The following WDR70 variants were observed in gnomAD, a reference collection of about 807,000 sequenced individuals.
The protein encoded by WDR70 is WD repeat-containing protein 70.
WDR70 carries 53 observed loss-of-function variants against 88.6 expected under a neutral mutation model. The observed-to-expected ratio is 0.60, with a 90% CI of 0.48 to 0.75. WDR70 has a LOEUF of 0.75. Ranked by LOEUF, WDR70 falls within the 30% of genes least tolerant of loss-of-function variation. The probability of loss-of-function intolerance (pLI) is 0.00; values close to 1 mark genes in which losing one functional copy is unlikely to be tolerated. For synonymous variants in WDR70, 280 were observed against 270.0 expected, an observed-to-expected ratio of 1.04 and a Z score of -0.36; for missense variants, 610 against 823.2, an observed-to-expected ratio of 0.74 and a Z score of 3.17.
intron 13 of WDR70, among the ~76,000 whole-genome samples, chr5:37,719,475 C>T (rs1274290252): frequency 1.3e-5 from 2 of 151,788 alleles, no homozygotes; most frequent in African/African-American, 4.8e-5. Flanking sequence ...GCCTGGGTAG[C>T]AGGCACCATA....
chr5:37,696,702 G>T (rs1223343081), intron 10 of WDR70, among the ~76,000 whole-genome samples: 2 of 152,120 alleles, frequency 1.3e-5, no homozygotes, highest in African/African-American at 4.8e-5. Flanking sequence ...TATTATAGAG[G>T]TTACTCTATT....
Position 37,390,440 on chromosome 5 carries a change from C to T in WDR70, c.176-1560C>T, listed in dbSNP as rs147426998. Among the ~76,000 whole-genome samples, 81 of 150,872 alleles carry T rather than the reference C, an allele frequency of 5.4e-4. 1 individual carries two copies. The highest frequency in any genetic ancestry group is 4.2e-3 in the Admixed American group (63 of 15,100). ...CTGCAAGCTCTGCCTCCTGGGTTCA[C>T]GCCATTCTCTTGCCTCAGCCTCCTG... On this transcript the variant is annotated intron_variant, in intron 3 of 17. Coordinates refer to ENST00000265107, the MANE Select transcript of WDR70 (RefSeq NM_018034.4).
intron 5 of WDR70, among the ~76,000 whole-genome samples, chr5:37,421,077 T>C (rs754971837): frequency 5.9e-5 from 9 of 152,210 alleles, no homozygotes; most frequent in Non-Finnish European, 1.3e-4. Flanking sequence ...GAGGTACAGT[T>C]ATCCATCCCC....
chr5:37,506,686 C>T lies in WDR70; in HGVS notation c.841-9828C>T, dbSNP rs1353158154. The T allele has an allele frequency of 8.8e-6, 7 of 794,584 alleles. No homozygotes were observed. In the African/African-American group the frequency reaches 1.2e-4, roughly 13 times the overall value. The allele number at this position is 794,584 out of a possible 1,614,324, so 49.2% of individuals were successfully genotyped here. On this transcript the variant is annotated intron_variant, in intron 8 of 17. Coordinates refer to ENST00000265107, the MANE Select transcript of WDR70 (RefSeq NM_018034.4). Reference sequence around the variant, plus strand: ...TCACACACAAATAAAACATCATCATCCCTGATCAAAGCAATATCATCAGTC... The same window carrying T: ...TCACACACAAATAAAACATCATCATTCCTGATCAAAGCAATATCATCAGTC...
At chr5:37,573,511 C>T (rs1742969913) in intron 9 of WDR70, among the ~76,000 whole-genome samples, 1 of 150,842 alleles carries the variant, frequency 6.6e-6, no homozygotes, top group African/African-American at 2.4e-5. Context: ...GGTATATCTC[C>T]TAATGCTATC....
chr5:37,669,412 AAC>A (rs1010166049), intron 10 of WDR70, among the ~76,000 whole-genome samples: 6 of 151,648 alleles, frequency 4.0e-5, no homozygotes, highest in African/African-American at 9.7e-5. Context: ...AAAAAAAAAA[AAC>A]ATTTTGTTTT....
intron 4 of WDR70, among the ~76,000 whole-genome samples, chr5:37,394,357 A>G (rs969220835): frequency 6.6e-6 from 1 of 152,086 alleles, no homozygotes; most frequent in African/African-American, 2.4e-5. Flanking sequence ...ATAAGGGGGA[A>G]AATTTTGGAG....
At chr5:37,744,725 A>G (rs1748589701) in intron 17 of WDR70, among the ~76,000 whole-genome samples, 1 of 151,962 alleles carries the variant, frequency 6.6e-6, no homozygotes, top group Non-Finnish European at 1.5e-5. Flanking sequence ...CATGCAGACA[A>G]GAATAGAGAA....
intron 8 of WDR70, among the ~76,000 whole-genome samples, chr5:37,495,902 A>G (rs948642067): frequency 6.6e-6 from 1 of 152,224 alleles, no homozygotes; most frequent in Non-Finnish European, 1.5e-5. Flanking sequence ...CTGTCTTTAC[A>G]AATAAGAAAC....
At chr5:37,699,955 A>C (rs1184448685) in intron 11 of WDR70, among the ~76,000 whole-genome samples, 2 of 144,082 alleles carry the variant, frequency 1.4e-5, no homozygotes, top group Non-Finnish European at 3.1e-5. Flanking sequence ...TCAAAAAAAA[A>C]CAAAAAACAA....
chr5:37,562,132 TG>T (rs1262492379), intron 9 of WDR70, among the ~76,000 whole-genome samples: 3 of 152,192 alleles, frequency 2.0e-5, no homozygotes, highest in African/African-American at 7.2e-5. Flanking sequence ...CCAAGGCAGG[TG>T]GATCACTTGA....
chr5:37,559,016 C>A (rs950763673), intron 9 of WDR70, among the ~76,000 whole-genome samples: 1 of 151,862 alleles, frequency 6.6e-6, no homozygotes. Flanking sequence ...TCACTGTAAC[C>A]TCTGCCTCTC....
chr5:37,395,708 T>C (rs886895027), intron 4 of WDR70, among the ~76,000 whole-genome samples: 2 of 152,240 alleles, frequency 1.3e-5, no homozygotes, highest in Non-Finnish European at 2.9e-5. Flanking sequence ...ATTGAGGCAC[T>C]GGATATCTCA....
intron 8 of WDR70, among the ~76,000 whole-genome samples, chr5:37,514,565 G>T (rs986997215): frequency 6.0e-5 from 9 of 151,090 alleles, no homozygotes; most frequent in Non-Finnish European, 8.9e-5. Flanking sequence ...CCCCCGAGGG[G>T]CCCCAGTTCG....
chr5:37,609,055 A>G (rs938235460), intron 10 of WDR70, among the ~76,000 whole-genome samples: 11 of 152,232 alleles, frequency 7.2e-5, no homozygotes, highest in Non-Finnish European at 1.3e-4. Context: ...TGGTCAGTTT[A>G]GTTCTAAGAA....
At chr5:37,723,156 G>T in intron 15 of WDR70, 1 of 567,494 alleles carries the variant, frequency 1.8e-6, no homozygotes, top group East Asian at 2.9e-5. Flanking sequence ...CAACCCAAAA[G>T]GGAAAAGCCT....
At position 37,503,283 on chromosome 5, in the gene WDR70, G is replaced by A. The variant is rs780049851; in HGVS notation, c.841-13231G>A. ...TTTTTTTTTTAAACTGTAAGTTCAG[G>A]GGTACATGTACAGGATGTGCAGGTT... On this transcript the variant is annotated intron_variant, in intron 8 of 17. Coordinates refer to ENST00000265107, the MANE Select transcript of WDR70 (RefSeq NM_018034.4). Among the ~76,000 whole-genome samples the A allele has an allele frequency of 2.6e-5, 4 of 151,758 alleles. No homozygotes were observed. In the East Asian group the frequency reaches 5.8e-4, roughly 22 times the overall value.
chr5:37,708,181 T>A (rs1217360640), intron 13 of WDR70, among the ~76,000 whole-genome samples: 1 of 150,822 alleles, frequency 6.6e-6, no homozygotes, highest in Non-Finnish European at 1.5e-5. Context: ...AGAATATCCC[T>A]TTCCTGTGAG....
At chr5:37,380,543 C>T (rs1207561239) in intron 2 of WDR70, among the ~76,000 whole-genome samples, 3 of 152,024 alleles carry the variant, frequency 2.0e-5, no homozygotes, top group Non-Finnish European at 2.9e-5. Context: ...AGGGTTTCAC[C>T]GTGTTAGCCA....
Sources: allele counts gnomAD v4.1 joint callset (sites outside exome capture counted in the v4.1 genomes callset), GRCh38; gene constraint gnomAD v4.1.1; transcripts MANE v1.5; gene names NCBI Gene and HGNC (gene_info 2026-07-23, HGNC 2026-07-21).